AMZ1: variants seen among roughly 807,000 people sequenced by gnomAD.
The protein encoded by AMZ1 is archaelysin family metallopeptidase 1.
In AMZ1, 39 loss-of-function variants were observed where a neutral mutation model predicts 29.9. That is an observed-to-expected ratio of 1.30 (90% CI 1.01 to 1.70). AMZ1 has a LOEUF of 1.70. AMZ1 is among the 40% of genes most tolerant of loss of function. The pLI, the probability that AMZ1 is intolerant of heterozygous loss-of-function variation, is 0.00. For synonymous variants in AMZ1, 458 were observed against 304.0 expected, an observed-to-expected ratio of 1.51 and a Z score of -5.27; for missense variants, 1,041 against 680.6, an observed-to-expected ratio of 1.53 and a Z score of -5.89.
chr7:2,708,217 C>T (rs532636933), intron 3 of AMZ1, among the ~76,000 whole-genome samples: 1 of 152,170 alleles, frequency 6.6e-6, no homozygotes, highest in Non-Finnish European at 1.5e-5. Flanking sequence ...GCCCCTTTGG[C>T]TGTGGGGACT....
At chr7:2,755,514 T>C (rs1251836215) in intron 4 of AMZ1, among the ~76,000 whole-genome samples, 3 of 152,370 alleles carry the variant, frequency 2.0e-5, no homozygotes, top group South Asian at 2.1e-4. Context: ...GTTAATGGTG[T>C]TGCATCTTAA....
intron 4 of AMZ1, among the ~76,000 whole-genome samples, chr7:2,754,337 C>G (rs1791187254): frequency 6.6e-6 from 1 of 152,096 alleles, no homozygotes; most frequent in African/African-American, 2.4e-5. Context: ...TGTTTTCGTA[C>G]TGGTGAGTAT....
intron 1 of AMZ1, among the ~76,000 whole-genome samples, chr7:2,693,738 G>A (rs1395432884): frequency 2.0e-5 from 3 of 152,092 alleles, no homozygotes; most frequent in Non-Finnish European, 4.4e-5. Flanking sequence ...TGTATTTTTA[G>A]TAGAGACAGG....
At chr7:2,746,299 A>G (rs1465427839) in intron 4 of AMZ1, among the ~76,000 whole-genome samples, 1 of 152,272 alleles carries the variant, frequency 6.6e-6, no homozygotes, top group Non-Finnish European at 1.5e-5. Flanking sequence ...CAAATGTAAA[A>G]GAACAGAAAT....
intron 4 of AMZ1, among the ~76,000 whole-genome samples, chr7:2,737,289 GTT>G (rs11389467): frequency 4.8e-5 from 3 of 62,314 alleles, no homozygotes; most frequent in African/African-American, 1.7e-4. Flanking sequence ...TTTTTTTTTT[GTT>G]TTTTTTTTTT....
intron 4 of AMZ1, chr7:2,730,176 T>C (rs1789640107): frequency 6.6e-6 from 1 of 152,398 alleles, no homozygotes. Flanking sequence ...GCTCTGCTAG[T>C]GGCCTTGCCA....
At chr7:2,690,623 GT>G (rs1787330698) in intron 1 of AMZ1, among the ~76,000 whole-genome samples, 1 of 152,084 alleles carries the variant, frequency 6.6e-6, no homozygotes, top group African/African-American at 2.4e-5. Context: ...ATGCTCTTGA[GT>G]TACCCACGTG....
chr7:2,745,431 T>C (rs983255231), intron 4 of AMZ1, among the ~76,000 whole-genome samples: 3 of 152,078 alleles, frequency 2.0e-5, no homozygotes, highest in Admixed American at 1.3e-4. Flanking sequence ...GCTTCATAAG[T>C]GAAGGAGAAA....
Position 2,716,418 on chromosome 7 carries a change from T to C in AMZ1, c.*3540T>C, listed in dbSNP as rs1222733993. ...GTGAGTGGAGCTCTGCCACCACCCG[T>C]TTCCAGAGCATGGGTGAGGAGGGAG... On this transcript the variant is annotated 3_prime_UTR_variant, in exon 7 of 7. Transcript: ENST00000683327. 1 of 152,196 alleles carries C rather than the reference T, an allele frequency of 6.6e-6. No homozygotes were observed. The highest frequency in any genetic ancestry group is 2.4e-5 in the African/African-American group (1 of 41,432). 9.4% of individuals were successfully genotyped at this position (152,196 alleles called of 1,614,324 possible).
intron 4 of AMZ1, among the ~76,000 whole-genome samples, chr7:2,759,508 G>A (rs1352864409): frequency 6.6e-6 from 1 of 152,208 alleles, no homozygotes; most frequent in Non-Finnish European, 1.5e-5. Flanking sequence ...GGAATAGGTG[G>A]TAAAAAGACA....
chr7:2,701,800 G>A (rs752179031), intron 2 of AMZ1, among the ~76,000 whole-genome samples: 1 of 152,194 alleles, frequency 6.6e-6, no homozygotes, highest in African/African-American at 2.4e-5. Flanking sequence ...GGTGGTCCAC[G>A]CAGCCCCTTT....
intron 3 of AMZ1, among the ~76,000 whole-genome samples, chr7:2,703,485 C>T (rs752518724): frequency 4.0e-4 from 59 of 146,020 alleles, no homozygotes; most frequent in Non-Finnish European, 6.8e-4. Context: ...TCCAACCTTC[C>T]GTCTTTGCAT....
chr7:2,739,260 T>G (rs1298265623), intron 4 of AMZ1, among the ~76,000 whole-genome samples: 1 of 152,212 alleles, frequency 6.6e-6, no homozygotes, highest in Non-Finnish European at 1.5e-5. Context: ...CGGCCACCAC[T>G]TCTACAGCCT....
rs190874371 is a variant in AMZ1 at position 2,750,863 on chromosome 7, G to A, written n.551-13849G>A. Among the ~76,000 whole-genome samples, 7 of 152,270 alleles carry A rather than the reference G, an allele frequency of 4.6e-5. No individual in the cohort carries two copies. In the East Asian group the frequency reaches 1.4e-3, roughly 29 times the overall value. ...GAAAGTTTTAGAGTTATCAGCTTGG[G>A]AACTGAAATAACTGATTAATATGAG... is the stretch of plus-strand genomic sequence containing the variant. On this transcript the variant is annotated intron_variant and non_coding_transcript_variant, in intron 4 of 4. Coordinates refer to the AMZ1 transcript ENST00000489665.
At chr7:2,696,525 G>A (rs191437457) in intron 1 of AMZ1, among the ~76,000 whole-genome samples, 3 of 151,344 alleles carry the variant, frequency 2.0e-5, no homozygotes, top group Non-Finnish European at 1.5e-5. Flanking sequence ...CCAAAGTGCT[G>A]TGATTACAGG....
rs572935010 is a variant in AMZ1, at chr7:2,753,313, T to C, written n.551-11399T>C. Among the ~76,000 whole-genome samples, 8 of 152,236 alleles carry C rather than the reference T, an allele frequency of 5.3e-5. No individual in the cohort carries two copies. The South Asian group carries it at 6.2e-4, about 12-fold the overall frequency. Reference sequence around the variant, plus strand: ...GGACTATAGGTGCATGCCACCACGATTGGCTAATTTTATTTTTTGTAGAGA... The same window carrying C: ...GGACTATAGGTGCATGCCACCACGACTGGCTAATTTTATTTTTTGTAGAGA... On this transcript the variant is annotated intron_variant and non_coding_transcript_variant, in intron 4 of 4. Coordinates refer to the AMZ1 transcript ENST00000489665.
chr7:2,732,669 A>T (rs2115285382), intron 4 of AMZ1, among the ~76,000 whole-genome samples: 1 of 152,334 alleles, frequency 6.6e-6, no homozygotes, highest in Admixed American at 6.5e-5. Flanking sequence ...CTCGATCTAG[A>T]GGTCTGACTA....
upstream of AMZ1, chr7:2,762,408 G>C: frequency 2.1e-6 from 1 of 475,326 alleles, no homozygotes; most frequent in Non-Finnish European, 3.7e-6. Flanking sequence ...GGAAACCAAA[G>C]CTTAGACGTT....
chr7:2,763,035 C>T (rs1791642305), upstream of AMZ1: 3 of 1,254,072 alleles, frequency 2.4e-6, no homozygotes. Flanking sequence ...GCCCAGGACT[C>T]AGCGTGCCGT....
Sources: gnomAD v4.1 joint callset for allele counts (sites outside exome capture counted in the v4.1 genomes callset) on GRCh38, gnomAD v4.1.1 for gene constraint, MANE v1.5 for transcripts, NCBI Gene and HGNC (gene_info 2026-07-23, HGNC 2026-07-21) for gene names.